The following DENND4A variants were observed in gnomAD, a reference collection of about 807,000 sequenced individuals.
The protein encoded by DENND4A is DENN domain containing 4A.
A neutral mutation model predicts 199.3 loss-of-function variants in DENND4A; 70 were observed. That is an observed-to-expected ratio of 0.35 (90% confidence interval 0.29 to 0.43). The LOEUF is 0.43. DENND4A is among the 20% of genes least tolerant of loss of function. DENND4A has a pLI of 1.00. For missense variants in DENND4A, 1,723 were observed against 2,255.8 expected (o/e 0.76, Z 4.78); for synonymous variants, 686 against 766.9 (o/e 0.89, Z 1.74).
Position 65,701,778 on chromosome 15 carries a change from TAAG to T in DENND4A, c.2540_2542del (p.Thr847_Tyr848delinsAsn). On this transcript the variant is annotated inframe_deletion, in exon 18 of 33. Transcript: ENST00000443035. ...GGTATTTACCTTATTATAATAACCA[TAAG>T]TAATGGCATTGGGGTCAATACCAGC... 6.2e-7 allele frequency: 1 copy of T among 1,613,602 alleles called. No homozygotes were observed.
rs1596384532 is a variant in DENND4A at position 65,668,017 on chromosome 15, T to C, written c.4894A>G (p.Ile1632Val). 1 of 1,612,972 alleles carries C rather than the reference T, an allele frequency of 6.2e-7. No homozygotes were observed. Among genetic ancestry groups the C allele is most frequent in the East Asian group, 2.2e-5 (1 of 44,872 alleles). The change falls in exon 28 of 33, where the codon ATT becomes GTT. Residue 1632 changes from isoleucine to valine, a missense_variant. Coordinates refer to ENST00000443035, the MANE Select transcript of DENND4A (RefSeq NM_001320835.1). ...KCPIFPMARS[I>V]STSGPLDKED... ...TTATCCAAGGGGCCAGAAGTACTAATACTCCTGGCCATTGGAAATATTGGA... is the reference window on the plus strand; with the variant it reads ...TTATCCAAGGGGCCAGAAGTACTAACACTCCTGGCCATTGGAAATATTGGA...
At chr15:65,716,724 A>G (rs1053595622) in intron 13 of DENND4A, among the ~76,000 whole-genome samples, 1 of 151,728 alleles carries the variant, frequency 6.6e-6, no homozygotes, top group Non-Finnish European at 1.5e-5. Flanking sequence ...ATGTGTCTTT[A>G]TAGCAGCATG....
chr15:65,685,562 T>C (rs2076747687), intron 23 of DENND4A, among the ~76,000 whole-genome samples: 1 of 152,246 alleles, frequency 6.6e-6, no homozygotes, highest in Non-Finnish European at 1.5e-5. Context: ...ACATAACCTA[T>C]GCACATCCTC....
intron 1 of DENND4A, among the ~76,000 whole-genome samples, chr15:65,784,069 T>C (rs564757421): frequency 8.3e-4 from 126 of 152,256 alleles, no homozygotes; most frequent in African/African-American, 2.9e-3. Context: ...TATGATGCAA[T>C]GAGAGCGGCA....
chr15:65,755,574 T>C (rs901083303), intron 3 of DENND4A, among the ~76,000 whole-genome samples: 3 of 152,152 alleles, frequency 2.0e-5, no homozygotes, highest in African/African-American at 7.2e-5. Flanking sequence ...GAGACTAGCC[T>C]GGGCAACATA....
intron 12 of DENND4A, among the ~76,000 whole-genome samples, chr15:65,721,060 G>C (rs1388070968): frequency 6.8e-6 from 1 of 146,936 alleles, no homozygotes; most frequent in Non-Finnish European, 1.5e-5. Flanking sequence ...CGATCTCCCT[G>C]CCTCAGCCTC....
chr15:65,698,379 G>C (rs945547638), intron 20 of DENND4A, among the ~76,000 whole-genome samples: 3 of 152,154 alleles, frequency 2.0e-5, no homozygotes, highest in African/African-American at 7.2e-5. Flanking sequence ...AGTCACAAAA[G>C]ATAAAGTTTT....
chr15:65,752,271 T>C (rs2140619744), intron 4 of DENND4A, 108 bp downstream of exon 4: 3 of 686,268 alleles, frequency 4.4e-6, no homozygotes, highest in East Asian at 1.3e-4. Flanking sequence ...AATTAAACTA[T>C]GCTGTTTTCC....
At chr15:65,728,597 C>T (rs750367513) in intron 11 of DENND4A, among the ~76,000 whole-genome samples, 39 of 151,964 alleles carry the variant, frequency 2.6e-4, no homozygotes, top group African/African-American at 3.6e-4. Context: ...AATTCTCCTG[C>T]TTCAGCCTCC....
At chr15:65,748,226 T>C (rs2076464333) in intron 4 of DENND4A, among the ~76,000 whole-genome samples, 1 of 151,952 alleles carries the variant, frequency 6.6e-6, no homozygotes, top group African/African-American at 2.4e-5. Flanking sequence ...TGTAAATATC[T>C]GCTCTAACAT....
rs1381356631 is a variant in DENND4A, at chr15:65,683,940, C to T, written c.4179+6475G>A. On this transcript the variant is annotated intron_variant, in intron 23 of 32. Transcript: ENST00000443035. ...CTAATATACTGTGTCTACAGATTTG[C>T]CTTTTCTGGACATTTCATATCAATG... is the stretch of plus-strand genomic sequence containing the variant. 2.6e-5 allele frequency among the ~76,000 whole-genome samples: 4 copies of T among 152,300 alleles called. No individual in the cohort carries two copies. In the East Asian group the frequency reaches 7.7e-4, roughly 29 times the overall value.
chr15:65,756,459 A>G lies in DENND4A; in HGVS notation c.-9T>C. ...CCCTTGTCTTCAATCATCTTCCATT[A>G]CAGAAGGTTACATCTAAAAGGAAAG... is the stretch of plus-strand genomic sequence containing the variant. On this transcript the variant is annotated 5_prime_UTR_variant, in exon 3 of 33. Transcript: ENST00000443035. 1 of 1,589,748 alleles carries G rather than the reference A, an allele frequency of 6.3e-7. No individual in the cohort carries two copies. The highest frequency in any genetic ancestry group is 8.5e-7 in the Non-Finnish European group (1 of 1,170,366).
rs530839001 is a variant in DENND4A at position 65,791,468 on chromosome 15, C to A, written c.-102+542G>T. Among the ~76,000 whole-genome samples the A allele has an allele frequency of 4.6e-4, 66 of 142,500 alleles. No individual in the cohort carries two copies. The East Asian group carries it at 0.018, about 38-fold the overall frequency. 93.5% of individuals were successfully genotyped at this position (142,500 alleles called of 152,430 possible). On this transcript the variant is annotated intron_variant, in intron 1 of 32. Transcript: ENST00000443035. ...TCCCTTCCCCCACCACACACCCCCCCAAAAAGACTAGAAAAAAAACTGGTC... is the reference window on the plus strand; with the variant it reads ...TCCCTTCCCCCACCACACACCCCCCAAAAAAGACTAGAAAAAAAACTGGTC...
chr15:65,742,754 G>C (rs1209037609), intron 4 of DENND4A, among the ~76,000 whole-genome samples: 2 of 152,016 alleles, frequency 1.3e-5, no homozygotes, highest in African/African-American at 2.4e-5. Flanking sequence ...TTATTCTTAA[G>C]ATTATTTATC....
At chr15:65,689,238 C>T (rs1351222082) in intron 23 of DENND4A, among the ~76,000 whole-genome samples, 1 of 152,004 alleles carries the variant, frequency 6.6e-6, no homozygotes, top group Non-Finnish European at 1.5e-5. Context: ...TAAACCTTTT[C>T]CTTTATATTC....
chr15:65,661,792 T>A lies in DENND4A; in HGVS notation c.*59A>T. ...AGAAAAAATATTTAGAGTCTAAAAGTGTTATTTTATACACTGACTATACAA... is the reference window on the plus strand; with the variant it reads ...AGAAAAAATATTTAGAGTCTAAAAGAGTTATTTTATACACTGACTATACAA... On this transcript the variant is annotated 3_prime_UTR_variant, in exon 33 of 33. Transcript: ENST00000443035. 1.4e-6 allele frequency: 2 copies of A among 1,392,080 alleles called. No homozygotes were observed. The highest frequency in any genetic ancestry group is 9.7e-7 in the Non-Finnish European group (1 of 1,036,000). The allele number at this position is 1,392,080 out of a possible 1,614,324, so 86.2% of individuals were successfully genotyped here.
chr15:65,697,227 G>A (rs778342276), intron 21 of DENND4A, 40 bp downstream of exon 21: 2 of 1,248,596 alleles, frequency 1.6e-6, no homozygotes, highest in Non-Finnish European at 2.3e-6. Context: ...ATGAATATAA[G>A]TTCTCAATTT....
At chr15:65,764,070 T>C (rs1265077719) in intron 1 of DENND4A, among the ~76,000 whole-genome samples, 1 of 152,216 alleles carries the variant, frequency 6.6e-6, no homozygotes, top group Non-Finnish European at 1.5e-5. Context: ...ATCAGACTTA[T>C]TTAGATGTAA....
At chr15:65,756,573 G>A (rs2076706277) in intron 2 of DENND4A, 101 bp from the exon 3 acceptor site, 1 of 742,362 alleles carries the variant, frequency 1.3e-6, no homozygotes, top group Admixed American at 3.1e-5. Context: ...AAGAGCACTA[G>A]TTCCTTGATA....
Sources: allele counts gnomAD v4.1 joint callset (sites outside exome capture counted in the v4.1 genomes callset), GRCh38; gene constraint gnomAD v4.1.1; transcripts MANE v1.5; gene names NCBI Gene and HGNC (gene_info 2026-07-23, HGNC 2026-07-21).